The following ROBO2 variants were observed in gnomAD, a reference collection of about 807,000 sequenced individuals.
The protein encoded by ROBO2 is roundabout guidance receptor 2, also known as roundabout homolog 2.
A neutral mutation model predicts 160.8 loss-of-function variants in ROBO2; 53 were observed. The ratio of observed to expected loss-of-function variants is 0.33; its 90% confidence interval spans 0.26 to 0.41. The LOEUF (loss-of-function observed/expected upper bound fraction) is 0.41. Among genes scored for constraint, ROBO2 ranks in the 10% least tolerant of loss-of-function variants. The pLI is 1.00. For missense variants in ROBO2, 1,577 were observed against 1,722.4 expected (o/e 0.92, Z 1.49); for synonymous variants, 664 against 611.7 (o/e 1.09, Z -1.26).
chr3:76,006,197 T>A (rs186180654), intron 2 of ROBO2, among the ~76,000 whole-genome samples: 27 of 152,270 alleles, frequency 1.8e-4, no homozygotes, highest in African/African-American at 6.5e-4. Flanking sequence ...ATATTATACA[T>A]TTCATTTTCA....
At chr3:77,047,579 C>T (rs112535651) in intron 1 of ROBO2, among the ~76,000 whole-genome samples, 297 of 151,724 alleles carry the variant, frequency 2.0e-3, no homozygotes, top group African/African-American at 6.9e-3. Flanking sequence ...ATCCCAGCTA[C>T]TCAGGAGGCT....
chr3:77,380,064 C>A (rs770399733), intron 2 of ROBO2, among the ~76,000 whole-genome samples: 1 of 152,210 alleles, frequency 6.6e-6, no homozygotes, highest in Non-Finnish European at 1.5e-5. Context: ...TCTGTTCCAA[C>A]CCTTTCACTG....
At chr3:77,574,797 G>A (rs2093720843) in intron 14 of ROBO2, 67 bp downstream of exon 15, 1 of 1,136,550 alleles carries the variant, frequency 8.8e-7, no homozygotes. Context: ...GTACCTATTT[G>A]TTATCTTCCT....
At chr3:75,940,585 T>C (rs1028332439) in intron 2 of ROBO2, among the ~76,000 whole-genome samples, 1 of 152,138 alleles carries the variant, frequency 6.6e-6, no homozygotes, top group African/African-American at 2.4e-5. Context: ...TGAGAAAGTG[T>C]TTAACATCTG....
At chr3:76,730,398 C>T (rs111161416) in intron 2 of ROBO2, among the ~76,000 whole-genome samples, 37 of 7,924 alleles carry the variant, frequency 4.7e-3, no homozygotes, top group South Asian at 0.011. Context: ...CTACCCGCTT[C>T]TCCTCACCTC....
intron 2 of ROBO2, among the ~76,000 whole-genome samples, chr3:77,239,204 C>T (rs1330919931): frequency 6.6e-6 from 1 of 152,248 alleles, no homozygotes; most frequent in African/African-American, 2.4e-5. Context: ...GATGGTAGGA[C>T]GTGTTCGGAG....
intron 2 of ROBO2, among the ~76,000 whole-genome samples, chr3:76,741,590 AT>A (rs778214711): frequency 7.9e-4 from 120 of 152,176 alleles, no homozygotes; most frequent in Non-Finnish European, 1.1e-3. Context: ...ACAGACTTTC[AT>A]TTACATGACT....
intron 2 of ROBO2, among the ~76,000 whole-genome samples, chr3:77,265,633 C>T (rs2059074560): frequency 6.6e-6 from 1 of 152,228 alleles, no homozygotes; most frequent in South Asian, 2.1e-4. Flanking sequence ...ATACATAAGA[C>T]ATTCCTATTG....
intron 2 of ROBO2, among the ~76,000 whole-genome samples, chr3:77,415,201 TTGTC>T (rs2077115804): frequency 6.6e-6 from 1 of 152,202 alleles, no homozygotes. Context: ...ATGCTCAACT[TTGTC>T]TGGGAGGTGT....
chr3:77,076,506 TA>T (rs1237661816), intron 1 of ROBO2, among the ~76,000 whole-genome samples: 2 of 135,668 alleles, frequency 1.5e-5, no homozygotes, highest in Non-Finnish European at 3.2e-5. Context: ...GAGAGGAAAA[TA>T]AATTTTTTTT....
chr3:77,094,918 T>TAAAG (rs2070839109), intron 1 of ROBO2, among the ~76,000 whole-genome samples: 1 of 152,162 alleles, frequency 6.6e-6, no homozygotes, highest in Non-Finnish European at 1.5e-5. Flanking sequence ...ATGAGTTCTT[T>TAAAG]ATATATTCTA....
At chr3:77,078,489 A>G (rs927408619) in intron 1 of ROBO2, among the ~76,000 whole-genome samples, 14 of 152,218 alleles carry the variant, frequency 9.2e-5, no homozygotes, top group African/African-American at 3.4e-4. Flanking sequence ...ATTTCAGTCC[A>G]GAGTTCATGT....
At chr3:77,019,026 C>A (rs2062458615) in intron 2 of ROBO2, among the ~76,000 whole-genome samples, 1 of 152,174 alleles carries the variant, frequency 6.6e-6, no homozygotes, top group Non-Finnish European at 1.5e-5. Flanking sequence ...GCAACAAGAG[C>A]ATCCTTCCAA....
At chr3:76,323,145 AC>A (rs2072710822) in intron 2 of ROBO2, among the ~76,000 whole-genome samples, 1 of 145,496 alleles carries the variant, frequency 6.9e-6, no homozygotes, top group South Asian at 2.6e-4. Flanking sequence ...TATTACACAC[AC>A]ACACACACAC....
intron 2 of ROBO2, among the ~76,000 whole-genome samples, chr3:75,954,205 GT>G (rs1224096893): frequency 1.3e-5 from 2 of 151,814 alleles, no homozygotes; most frequent in African/African-American, 4.8e-5. Flanking sequence ...CTTCTTCTCT[GT>G]ATTTGTTCCA....
intron 2 of ROBO2, among the ~76,000 whole-genome samples, chr3:76,425,642 T>C (rs2076192048): frequency 6.6e-6 from 1 of 152,076 alleles, no homozygotes; most frequent in East Asian, 1.9e-4. Flanking sequence ...GTGAACTCTA[T>C]TCTATGCTTA....
intron 2 of ROBO2, among the ~76,000 whole-genome samples, chr3:76,635,190 T>G (rs2090262490): frequency 6.6e-6 from 1 of 152,188 alleles, no homozygotes; most frequent in Admixed American, 6.5e-5. Flanking sequence ...ATTTCCTCTC[T>G]TTTGAAGGGT....
intron 2 of ROBO2, among the ~76,000 whole-genome samples, chr3:76,049,403 A>ATATTTTTT (rs1414664360): frequency 1.9e-4 from 10 of 53,764 alleles, no homozygotes; most frequent in East Asian, 6.3e-4. Flanking sequence ...ATATATATAT[A>ATATTTTTT]TTTTTTTTTT....
intron 2 of ROBO2, among the ~76,000 whole-genome samples, chr3:75,970,564 A>G (rs1031265038): frequency 2.0e-5 from 3 of 151,530 alleles, no homozygotes; most frequent in African/African-American, 7.3e-5. Flanking sequence ...TAATTTTCCA[A>G]AGGACATTCC....
Sources: allele counts gnomAD v4.1 joint callset (sites outside exome capture counted in the v4.1 genomes callset), GRCh38; gene constraint gnomAD v4.1.1; transcripts MANE v1.5; gene names NCBI Gene and HGNC (gene_info 2026-07-23, HGNC 2026-07-21).